PCDH15: variants seen among roughly 807,000 people sequenced by gnomAD.
The protein encoded by PCDH15 is protocadherin related 15, also known as protocadherin-15.
Under a neutral mutation model 178.5 loss-of-function variants are expected in PCDH15, and 129 were observed. The observed-to-expected ratio is 0.72, with a 90% CI of 0.63 to 0.84. PCDH15 has a LOEUF of 0.84. PCDH15 is among the 40% of genes least tolerant of loss of function. PCDH15 has a pLI of 0.00. For synonymous variants in PCDH15, 800 were observed against 732.0 expected, an observed-to-expected ratio of 1.09 and a Z score of -1.50; for missense variants, 2,230 against 2,099.9, an observed-to-expected ratio of 1.06 and a Z score of -1.21.
At chr10:54,029,822 T>C (rs2093238904) in intron 18 of PCDH15, among the ~76,000 whole-genome samples, 1 of 152,096 alleles carries the variant, frequency 6.6e-6, no homozygotes, top group Admixed American at 6.6e-5. Flanking sequence ...TTTCCATCCA[T>C]AAAAGTGGAA....
At chr10:54,250,267 C>CTTTTTTTTTT (rs765895227) in intron 8 of PCDH15, among the ~76,000 whole-genome samples, 1 of 84,044 alleles carries the variant, frequency 1.2e-5, no homozygotes, top group Non-Finnish European at 2.2e-5. Context: ...TATGCTATTA[C>CTTTTTTTTTT]TTTTTTTTTT....
intron 15 of PCDH15, among the ~76,000 whole-genome samples, chr10:54,094,188 G>A (rs60215763): frequency 0.18 from 27,895 of 152,050 alleles, 3,938 homozygotes; most frequent in African/African-American, 0.39. Context: ...GAGCATCTAC[G>A]CTGTGTTAGG....
intron 3 of PCDH15, among the ~76,000 whole-genome samples, chr10:54,421,316 T>A (rs1955266819): frequency 6.6e-6 from 1 of 151,768 alleles, no homozygotes; most frequent in Non-Finnish European, 1.5e-5. Context: ...CTCTGTAGTT[T>A]TTTTATTTGT....
At chr10:54,666,138 AATGAGTACCCCCTAAAGCTTAAT>A (rs1182611318) in intron 1 of PCDH15, among the ~76,000 whole-genome samples, 3 of 152,058 alleles carry the variant, frequency 2.0e-5, no homozygotes, top group East Asian at 3.9e-4. Context: ...GTACTTACAG[AATGAGTACCCCCTAAAGCTTAAT>A]ATGAGTACCC....
chr10:54,518,427 A>G (rs1204408262), intron 3 of PCDH15, among the ~76,000 whole-genome samples: 2 of 152,222 alleles, frequency 1.3e-5, no homozygotes, highest in East Asian at 1.9e-4. Context: ...AGAATACTAC[A>G]AACACCTCTA....
At chr10:55,040,365 T>C (rs1279320136) in intron 2 of PCDH15, among the ~76,000 whole-genome samples, 3 of 152,104 alleles carry the variant, frequency 2.0e-5, no homozygotes, top group Admixed American at 6.6e-5. Flanking sequence ...GGGTTGACTA[T>C]GAACTACAGG....
At chr10:54,814,166 A>G (rs945609478) in intron 3 of PCDH15, among the ~76,000 whole-genome samples, 1 of 152,174 alleles carries the variant, frequency 6.6e-6, no homozygotes, top group African/African-American at 2.4e-5. Flanking sequence ...ACATTGTGTA[A>G]TTTGTCCTTT....
chr10:55,328,638 TCA>T (rs1357628174), intron 2 of PCDH15, among the ~76,000 whole-genome samples: 1 of 151,442 alleles, frequency 6.6e-6, no homozygotes, highest in Non-Finnish European at 1.5e-5. Context: ...CAATAAACTC[TCA>T]GTCAAAATTT....
At chr10:53,911,850 C>T (rs1478612135) in intron 25 of PCDH15, among the ~76,000 whole-genome samples, 4 of 152,148 alleles carry the variant, frequency 2.6e-5, no homozygotes, top group Admixed American at 2.6e-4. Context: ...GATTCACAGC[C>T]AAATTCTAAT....
At chr10:54,704,847 A>G (rs2095349768) in intron 1 of PCDH15, among the ~76,000 whole-genome samples, 1 of 152,146 alleles carries the variant, frequency 6.6e-6, no homozygotes, top group Admixed American at 6.6e-5. Flanking sequence ...AGAAATATAA[A>G]TCATTCTACC....
At chr10:55,197,857 C>T (rs1840137106) in intron 1 of PCDH15, among the ~76,000 whole-genome samples, 3 of 151,964 alleles carry the variant, frequency 2.0e-5, no homozygotes, top group African/African-American at 7.3e-5. Context: ...AGATACCATA[C>T]TTATATATCA....
chr10:54,245,633 C>T (rs553798910), intron 8 of PCDH15, among the ~76,000 whole-genome samples: 4 of 152,036 alleles, frequency 2.6e-5, no homozygotes, highest in East Asian at 3.9e-4. Context: ...ATTGCAAATG[C>T]TTGCTTAGCA....
chr10:54,276,897 T>G (rs1217066275), intron 8 of PCDH15, among the ~76,000 whole-genome samples: 1 of 151,678 alleles, frequency 6.6e-6, no homozygotes, highest in Non-Finnish European at 1.5e-5. Flanking sequence ...AATATACATA[T>G]GACTTTCTAG....
At chr10:55,335,941 C>T (rs1345573383) in intron 2 of PCDH15, among the ~76,000 whole-genome samples, 1 of 151,838 alleles carries the variant, frequency 6.6e-6, no homozygotes, top group Non-Finnish European at 1.5e-5. Flanking sequence ...TGGGGTGGTA[C>T]CCATTTTTTG....
chr10:54,879,607 T>C (rs1044218715), intron 3 of PCDH15, among the ~76,000 whole-genome samples: 2 of 151,690 alleles, frequency 1.3e-5, no homozygotes, highest in Non-Finnish European at 2.9e-5. Flanking sequence ...TATAAAATGA[T>C]AATAAAAATC....
chr10:55,346,653 A>G (rs1386097039), intron 2 of PCDH15, among the ~76,000 whole-genome samples: 7 of 152,064 alleles, frequency 4.6e-5, no homozygotes, highest in Non-Finnish European at 8.8e-5. Flanking sequence ...GAATCATGCA[A>G]TATGCGTTAA....
chr10:54,327,110 T>C (rs959942232), intron 7 of PCDH15, among the ~76,000 whole-genome samples: 6 of 152,006 alleles, frequency 3.9e-5, no homozygotes, highest in Admixed American at 2.0e-4. Flanking sequence ...GATGTCTTTA[T>C]AAATATTTTA....
At chr10:55,095,247 G>A (rs991152414) in intron 2 of PCDH15, among the ~76,000 whole-genome samples, 2 of 151,410 alleles carry the variant, frequency 1.3e-5, no homozygotes, top group Non-Finnish European at 2.9e-5. Flanking sequence ...TGGCCACTGT[G>A]GCCAAATTAT....
intron 8 of PCDH15, among the ~76,000 whole-genome samples, chr10:54,284,462 T>G (rs564954509): frequency 6.6e-6 from 1 of 152,318 alleles, no homozygotes; most frequent in African/African-American, 2.4e-5. Flanking sequence ...ATAAATATAT[T>G]AACAATGTGA....
Sources: allele counts gnomAD v4.1 joint callset (sites outside exome capture counted in the v4.1 genomes callset), GRCh38; gene constraint gnomAD v4.1.1; transcripts MANE v1.5; gene names NCBI Gene and HGNC (gene_info 2026-07-23, HGNC 2026-07-21).